Variants in SCN10A observed in about 807,000 individuals in gnomAD.
SCN10A encodes the protein sodium channel protein type 10 subunit alpha.
SCN10A carries 162 observed loss-of-function variants against 170.7 expected under a neutral mutation model. The observed-to-expected ratio is 0.95, with a 90% CI of 0.84 to 1.08. SCN10A has a LOEUF of 1.08. Ranked by LOEUF, SCN10A falls within the 50% of genes least tolerant of loss-of-function variation. SCN10A has a pLI of 0.00. For missense variants in SCN10A, 2,527 were observed against 2,436.9 expected (o/e 1.04, Z -0.78); for synonymous variants, 985 against 904.6 (o/e 1.09, Z -1.59).
In SCN10A at chr3:38,757,128, T is replaced by C. The variant is rs889763116; in HGVS notation, c.982A>G (p.Thr328Ala). The C allele has an allele frequency of 6.2e-7, 1 of 1,611,922 alleles. No individual in the cohort carries two copies. Among genetic ancestry groups the C allele is most frequent in the Non-Finnish European group, 8.5e-7 (1 of 1,179,070 alleles). The change falls in exon 9 of 28, where the codon ACT becomes GCT. Residue 328 changes from threonine to alanine, a missense_variant. Physicochemically the swap from Thr to Ala is moderately conservative, Grantham distance 58 (BLOSUM62 0). Coordinates refer to ENST00000449082, the MANE Select transcript of SCN10A (RefSeq NM_006514.4). ...TAGTTAAAATCCGGGTTGTCAGAAG[T>C]TTTAAGGCAGATATAACCATCAGGG... ...HCPDGYICLK[T>A]SDNPDFNYTS...
rs143451118 is a variant in SCN10A, at chr3:38,768,104, C to A, written c.599+3175G>T. ...ATTTGCATGGAATATCTTTTCCCATCTCTTTACCTTAAGTTTATGTGGCTC... is the reference window on the plus strand; with the variant it reads ...ATTTGCATGGAATATCTTTTCCCATATCTTTACCTTAAGTTTATGTGGCTC... On this transcript the variant is annotated intron_variant, in intron 5 of 27. Coordinates refer to ENST00000449082, the MANE Select transcript of SCN10A (RefSeq NM_006514.4). Among the ~76,000 whole-genome samples the A allele has an allele frequency of 7.8e-4, 119 of 152,068 alleles. 1 individual carries two copies. Among genetic ancestry groups the A allele is most frequent in the African/African-American group, 2.2e-3 (90 of 41,504 alleles).
chr3:38,721,507 A>C (rs1252736601), intron 20 of SCN10A, among the ~76,000 whole-genome samples: 1 of 152,196 alleles, frequency 6.6e-6, no homozygotes, highest in Non-Finnish European at 1.5e-5. Context: ...AGCTTAAGCC[A>C]CAGTACAGAG....
chr3:38,715,431 G>A (rs946055002), intron 21 of SCN10A, among the ~76,000 whole-genome samples: 1 of 152,058 alleles, frequency 6.6e-6, no homozygotes, highest in Non-Finnish European at 1.5e-5. Flanking sequence ...AACATCACTG[G>A]TACTTTATCA....
At chr3:38,756,574 G>A in intron 10 of SCN10A, 100 bp downstream of exon 10, 3 of 913,772 alleles carry the variant, frequency 3.3e-6, no homozygotes, top group Non-Finnish European at 5.2e-6. Context: ...TCCTCCTATA[G>A]CTCCCTAAAC....
intron 4 of SCN10A, among the ~76,000 whole-genome samples, chr3:38,783,024 A>T (rs1470400962): frequency 1.3e-5 from 2 of 152,058 alleles, no homozygotes; most frequent in Non-Finnish European, 2.9e-5. Flanking sequence ...TAGCTTATAG[A>T]TGTCTACCTT....
At position 38,812,520 on chromosome 3, in the gene SCN10A, T is replaced by TA. The variant is rs2064447519; in HGVS notation, c.-33+3516dup. Among the ~76,000 whole-genome samples the TA allele has an allele frequency of 3.3e-5, 5 of 152,222 alleles. No homozygotes were observed. The South Asian group carries it at 6.2e-4, about 19-fold the overall frequency. The stretch of plus-strand genomic sequence containing the variant: ...CTGAAGTTTACAGTTTGATGCTTTT[T>TA]AAAAAACATATGCAAACACCTGTGT... On this transcript the variant is annotated intron_variant, in intron 1 of 27. Transcript: ENST00000449082.
chr3:38,813,078 C>T (rs2064450916), intron 1 of SCN10A, among the ~76,000 whole-genome samples: 1 of 152,000 alleles, frequency 6.6e-6, no homozygotes, highest in South Asian at 2.1e-4. Flanking sequence ...TCACAACCTC[C>T]CTCAATTCCC....
intron 16 of SCN10A, among the ~76,000 whole-genome samples, chr3:38,727,621 G>T (rs920431672): frequency 3.9e-5 from 6 of 152,202 alleles, no homozygotes; most frequent in African/African-American, 1.4e-4. Flanking sequence ...TCAGGCACCA[G>T]GGTGGAAAAG....
At chr3:38,811,047 C>A (rs1469088922) in intron 1 of SCN10A, among the ~76,000 whole-genome samples, 2 of 152,116 alleles carry the variant, frequency 1.3e-5, no homozygotes, top group Non-Finnish European at 2.9e-5. Context: ...GATACTGGAG[C>A]CATACTTTCC....
intron 21 of SCN10A, among the ~76,000 whole-genome samples, chr3:38,715,697 A>G (rs751404091): frequency 2.6e-5 from 4 of 152,104 alleles, no homozygotes; most frequent in African/African-American, 4.8e-5. Flanking sequence ...ACCCCACCCC[A>G]AGAGTGGAAG....
chr3:38,713,778 C>T (rs2063300824), intron 22 of SCN10A, among the ~76,000 whole-genome samples, 180 bp downstream of exon 22: 2 of 152,078 alleles, frequency 1.3e-5, no homozygotes, highest in South Asian at 4.2e-4. Context: ...TACCACCACA[C>T]CTCGTGGTGG....
chr3:38,769,688 CTATT>C (rs2063976867), intron 5 of SCN10A, among the ~76,000 whole-genome samples: 1 of 152,190 alleles, frequency 6.6e-6, no homozygotes, highest in East Asian at 1.9e-4. Context: ...TTTGAGTAGA[CTATT>C]TCAGAGAAAA....
At chr3:38,757,254 A>T in intron 8 of SCN10A, 95 bp from the exon 9 acceptor site, 1 of 1,237,626 alleles carries the variant, frequency 8.1e-7, no homozygotes, top group Non-Finnish European at 1.1e-6. Context: ...CAGAGATCAG[A>T]GTTCAAGACC....
intron 4 of SCN10A, among the ~76,000 whole-genome samples, chr3:38,787,263 A>G (rs904368774): frequency 6.6e-6 from 1 of 152,126 alleles, no homozygotes; most frequent in Non-Finnish European, 1.5e-5. Context: ...TTATTCCTAG[A>G]TACTTGACAT....
intron 13 of SCN10A, among the ~76,000 whole-genome samples, chr3:38,744,481 T>G (rs1164860170): frequency 6.6e-6 from 1 of 151,978 alleles, no homozygotes; most frequent in Non-Finnish European, 1.5e-5. Flanking sequence ...TTTTCTTCAT[T>G]TTTTTATTTT....
At chr3:38,770,468 G>T (rs558679007) in intron 5 of SCN10A, among the ~76,000 whole-genome samples, 1 of 152,048 alleles carries the variant, frequency 6.6e-6, no homozygotes, top group African/African-American at 2.4e-5. Flanking sequence ...AGGCCAGTGG[G>T]GTTGTGTTCC....
chr3:38,798,785 C>CTTTTT, intron 1 of SCN10A, among the ~76,000 whole-genome samples: 1 of 39,340 alleles, frequency 2.5e-5, no homozygotes, highest in African/African-American at 1.1e-4. Flanking sequence ...CCCCTTGCCT[C>CTTTTT]CTTTTTTTTT....
intron 1 of SCN10A, among the ~76,000 whole-genome samples, chr3:38,798,788 T>TTTC (rs1167062295): frequency 7.1e-6 from 1 of 141,084 alleles, no homozygotes; most frequent in African/African-American, 2.6e-5. Context: ...CTTGCCTCCT[T>TTTC]TTTTTTTTTT....
chr3:38,792,059 G>C lies in SCN10A; in HGVS notation c.380C>G (p.Ser127Cys), dbSNP rs1216988091. 6.2e-7 allele frequency: 1 copy of C among 1,613,544 alleles called. No individual in the cohort carries two copies. The highest frequency in any genetic ancestry group is 2.2e-5 in the East Asian group (1 of 44,866). ...NLIRRTAIKV[S>C]VHSWFSLFIT... ...ATCGTGCAAAGGATATGAGTGGACA[G>C]ACACTTTGATGGCCGTTCTTCTGAT... The change falls in exon 3 of 28, where the codon TCT becomes TGT. Residue 127 changes from serine (S) to cysteine (C), a missense_variant. Coordinates refer to ENST00000449082, the MANE Select transcript of SCN10A (RefSeq NM_006514.4).
Sources: allele counts gnomAD v4.1 joint callset (sites outside exome capture counted in the v4.1 genomes callset), GRCh38; gene constraint gnomAD v4.1.1; transcripts MANE v1.5; gene names NCBI Gene and HGNC (gene_info 2026-07-23, HGNC 2026-07-21).